Variants in LYPLA1 observed in about 807,000 individuals in gnomAD.
LYPLA1 encodes the protein acyl-protein thioesterase 1.
In LYPLA1, 17 loss-of-function variants were observed where a neutral mutation model predicts 34.0. The observed-to-expected ratio is 0.50, with a 90% confidence interval of 0.34 to 0.75. The LOEUF is 0.75. LYPLA1 is among the 30% of genes least tolerant of loss of function. The pLI is 0.01. For synonymous variants in LYPLA1, 98 were observed against 100.8 expected (o/e 0.97, Z 0.17); for missense variants, 203 against 288.8 (o/e 0.70, Z 2.15).
chr8:54,069,612 A>G, intron 2 of LYPLA1, among the ~76,000 whole-genome samples: 1 of 151,818 alleles, frequency 6.6e-6, no homozygotes, highest in Non-Finnish European at 1.5e-5. Flanking sequence ...TCAGAAGCTG[A>G]GGCTGGAGAA....
At chr8:54,084,133 A>AAAAAAAAAAAAAAAATATATAT (rs1373090573) in intron 2 of LYPLA1, among the ~76,000 whole-genome samples, 1 of 120,484 alleles carries the variant, frequency 8.3e-6, no homozygotes, top group African/African-American at 4.6e-5. Flanking sequence ...AGAAAAAAAA[A>AAAAAAAAAAAAAAAATATATAT]ATAAATAAAT....
Position 54,062,293 on chromosome 8 carries a change from G to C in LYPLA1, c.247C>G (p.Gln83Glu), listed in dbSNP as rs1806701607. 1.2e-6 allele frequency: 2 copies of C among 1,606,312 alleles called. No homozygotes were observed. Among genetic ancestry groups the C allele is most frequent in the Non-Finnish European group, 1.7e-6 (2 of 1,177,402 alleles). The change falls in exon 5 of 9, where the codon CAG becomes GAG. Residue 83 changes from glutamine to glutamate, a missense_variant. By Grantham distance (29) the Gln-to-Glu change is conservative. Around this residue, in one of 3 missense-constraint regions of LYPLA1, gnomAD observed 123 missense variants for 199.2 expected, o/e 0.62. Coordinates refer to ENST00000316963, the MANE Select transcript of LYPLA1 (RefSeq NM_006330.4). The part of the protein sequence containing the change: ...FDIIGLSPDS[Q>E]EDESGIKQAA... ...TGTTTAATCCCAGATTCATCCTCCT[G>C]TGAATCTGGTGAAAGCCCAATAATA...
intron 6 of LYPLA1, among the ~76,000 whole-genome samples, chr8:54,054,076 G>A (rs1276910293): frequency 6.6e-6 from 1 of 152,156 alleles, no homozygotes; most frequent in Non-Finnish European, 1.5e-5. Flanking sequence ...TGGCTCCTGG[G>A]TTCAAGTGAT....
Position 54,056,692 on chromosome 8 carries a change from G to T in LYPLA1, c.287-1559C>A, listed in dbSNP as rs180740635. Among the ~76,000 whole-genome samples the T allele has an allele frequency of 2.4e-3, 365 of 152,224 alleles. 7 individuals carry two copies. Among genetic ancestry groups the T allele is most frequent in the African/African-American group, 8.2e-3 (339 of 41,562 alleles). On this transcript the variant is annotated intron_variant, in intron 5 of 8. Transcript: ENST00000316963. The stretch of plus-strand genomic sequence containing the variant: ...CACTTTGGGAGACCGAGGAGGGTGG[G>T]TTACGAGGTCAAGTGATCAAGACCA...
rs756705739 is a variant in LYPLA1, at chr8:54,100,936, T to C, written c.73A>G (p.Ile25Val). The C allele has an allele frequency of 6.2e-7, 1 of 1,609,050 alleles. No individual in the cohort carries two copies. The highest frequency in any genetic ancestry group is 8.5e-7 in the Non-Finnish European group (1 of 1,175,498). Reference sequence around the variant, plus strand: ...GTATCTCCCAATCCATGCAGGAAAATCACCTATAAGAGAAGAGGAAAATTA... The same window carrying C: ...GTATCTCCCAATCCATGCAGGAAAACCACCTATAAGAGAAGAGGAAAATTA... ...PAARKATAAV[I>V]FLHGLGDTGH... The change falls in exon 2 of 9, where the codon ATT (isoleucine) becomes GTT (valine). Residue 25 changes from isoleucine (I) to valine (V), a missense_variant. By Grantham distance (29) the Ile-to-Val change is conservative. Transcript: ENST00000316963.
chr8:54,049,566 T>C (rs767769586), intron 8 of LYPLA1, among the ~76,000 whole-genome samples: 1 of 152,142 alleles, frequency 6.6e-6, no homozygotes, highest in Admixed American at 6.6e-5. Context: ...ACCCGGCCTG[T>C]CCTCTTCTAT....
In LYPLA1 at chr8:54,101,845, C is replaced by G; in HGVS notation, c.-22G>C. 1 of 1,246,996 alleles carries G rather than the reference C, an allele frequency of 8.0e-7. No individual in the cohort carries two copies. The highest frequency in any genetic ancestry group is 3.5e-5 in the South Asian group (1 of 28,278). The allele number at this position is 1,246,996 out of a possible 1,614,324, so 77.2% of individuals were successfully genotyped here. On this transcript the variant is annotated 5_prime_UTR_variant, in exon 1 of 9. Transcript: ENST00000316963. ...ACATACACCGCCTCAGCTCACAGCG[C>G]AAGCGGAAGGAAGAGCGGGCGCCCG...
Position 54,063,358 on chromosome 8 carries a change from G to T in LYPLA1, c.185C>A (p.Thr62Lys), listed in dbSNP as rs755633782. 2.6e-6 allele frequency: 4 copies of T among 1,539,802 alleles called. No individual in the cohort carries two copies. The highest frequency in any genetic ancestry group is 2.6e-6 in the Non-Finnish European group (3 of 1,140,982). ...AGGCATAGCCACGTTCATATTTAAT[G>T]TAACAGGCCTAACAGGCCTACATGG... ...ICPHAPVRPV[T>K]LNMNVAMPSW... Residue 62 changes from threonine to lysine, a missense_variant, in exon 4 of 9, where the codon ACA (threonine) becomes AAA (lysine). Transcript: ENST00000316963.
intron 2 of LYPLA1, among the ~76,000 whole-genome samples, chr8:54,084,163 T>TATATATATAA (rs1365317074): frequency 3.8e-5 from 5 of 132,610 alleles, no homozygotes; most frequent in African/African-American, 1.6e-4. Context: ...TATATATATA[T>TATATATATAA]AAAATAAAGA....
chr8:54,076,717 T>C (rs1807935533), intron 2 of LYPLA1, among the ~76,000 whole-genome samples: 1 of 152,262 alleles, frequency 6.6e-6, no homozygotes, highest in Non-Finnish European at 1.5e-5. Flanking sequence ...ATGAGCGATC[T>C]GTGCCTTAAA....
At chr8:54,088,471 C>T (rs75793186) in intron 2 of LYPLA1, among the ~76,000 whole-genome samples, 8,480 of 152,028 alleles carry the variant, frequency 0.056, 772 homozygotes, top group African/African-American at 0.19. Flanking sequence ...ACGAGGATGG[C>T]GAGAAATCAG....
chr8:54,083,547 C>G (rs571810899), intron 2 of LYPLA1, among the ~76,000 whole-genome samples: 1 of 152,222 alleles, frequency 6.6e-6, no homozygotes, highest in Admixed American at 6.5e-5. Flanking sequence ...CCAAAAGAGT[C>G]AACATTTTAG....
At chr8:54,082,796 G>A (rs1207919237) in intron 2 of LYPLA1, among the ~76,000 whole-genome samples, 4 of 151,914 alleles carry the variant, frequency 2.6e-5, no homozygotes, top group Admixed American at 6.6e-5. Flanking sequence ...GCGCGATCTC[G>A]GCTCACTGCA....
At chr8:54,061,738 C>T (rs963663540) in intron 5 of LYPLA1, among the ~76,000 whole-genome samples, 7 of 152,082 alleles carry the variant, frequency 4.6e-5, no homozygotes, top group Non-Finnish European at 8.8e-5. Context: ...GCTTTGATCA[C>T]GCCACTGCAT....
downstream of LYPLA1, among the ~76,000 whole-genome samples, chr8:54,046,016 G>A (rs927430840): frequency 3.3e-5 from 5 of 151,996 alleles, no homozygotes; most frequent in African/African-American, 9.7e-5. Context: ...AGCCGAGATC[G>A]CACCACTGCA....
At chr8:54,085,176 CAG>C (rs1808621078) in intron 2 of LYPLA1, among the ~76,000 whole-genome samples, 1 of 152,236 alleles carries the variant, frequency 6.6e-6, no homozygotes, top group Non-Finnish European at 1.5e-5. Context: ...TTGGTTGAGA[CAG>C]GGTTTCGCCG....
chr8:54,099,363 A>G (rs1198236817), intron 2 of LYPLA1, among the ~76,000 whole-genome samples: 3 of 152,210 alleles, frequency 2.0e-5, no homozygotes, highest in Non-Finnish European at 4.4e-5. Flanking sequence ...TTTGTATTAC[A>G]TAACTCGACT....
intron 2 of LYPLA1, among the ~76,000 whole-genome samples, chr8:54,086,482 C>A: frequency 7.2e-6 from 1 of 138,950 alleles, no homozygotes; most frequent in Admixed American, 6.8e-5. Flanking sequence ...CTCCTCATCC[C>A]CCCCGCCCAA....
At chr8:54,074,285 A>G (rs1250372045) in intron 2 of LYPLA1, among the ~76,000 whole-genome samples, 1 of 152,144 alleles carries the variant, frequency 6.6e-6, no homozygotes, top group Non-Finnish European at 1.5e-5. Context: ...GATTAAAAAG[A>G]CTGTTTCTTT....
Sources: allele counts gnomAD v4.1 joint callset (sites outside exome capture counted in the v4.1 genomes callset), GRCh38; gene constraint gnomAD v4.1.1; regional missense constraint gnomAD v4.1.1; transcripts MANE v1.5; gene names NCBI Gene and HGNC (gene_info 2026-07-23, HGNC 2026-07-21).